The following JMJD1C variants were observed in gnomAD, a reference collection of about 807,000 sequenced individuals.
JMJD1C encodes jumonji domain-containing protein 1C.
In JMJD1C, 31 loss-of-function variants were observed where a neutral mutation model predicts 245.3. The ratio of observed to expected loss-of-function variants is 0.13; its 90% CI spans 0.09 to 0.17. The LOEUF is 0.17. Among genes scored for constraint, JMJD1C ranks in the 10% least tolerant of loss-of-function variants. The pLI is 1.00. For synonymous variants in JMJD1C, 1,057 were observed against 1,017.4 expected, an observed-to-expected ratio of 1.04 and a Z score of -0.74; for missense variants, 2,691 against 3,000.2, an observed-to-expected ratio of 0.90 and a Z score of 2.41.
rs1366396136 is a variant in JMJD1C at position 63,189,431 on chromosome 10, G to A, written c.6307C>T (p.Arg2103Trp). The change falls in exon 18 of 26, where the codon CGG (arginine) becomes TGG (tryptophan). Residue 2103 changes from arginine (R) to tryptophan (W), a missense_variant. Physicochemically the swap from Arg to Trp is moderately radical, Grantham distance 101. Around this residue, in one of 9 missense-constraint regions of JMJD1C, gnomAD observed 275 missense variants for 285.5 expected, o/e 0.96. Coordinates refer to ENST00000399262, the MANE Select transcript of JMJD1C (RefSeq NM_032776.3). ...TCATCAAGAATGTTAGGCATAGTCC[G>A]TCCACTTTTGCTACTCTATTAAGGA... Reference protein sequence around the residue: ...SMGAPSSKSGRTMPNILDDII... With the variant: ...SMGAPSSKSGWTMPNILDDII... The A allele has an allele frequency of 1.9e-6, 3 of 1,610,874 alleles. No individual in the cohort carries two copies. Among genetic ancestry groups the A allele is most frequent in the Non-Finnish European group, 1.7e-6 (2 of 1,178,864 alleles).
intron 20 of JMJD1C, 31 bp from the exon 21 acceptor site, chr10:63,184,769 A>G: frequency 1.3e-6 from 2 of 1,582,528 alleles, no homozygotes; most frequent in Non-Finnish European, 8.6e-7. Flanking sequence ...CTTCTTATAA[A>G]TAAAGATTTG....
At chr10:63,310,745 T>C (rs1467176218) in intron 2 of JMJD1C, among the ~76,000 whole-genome samples, 1 of 151,848 alleles carries the variant, frequency 6.6e-6, no homozygotes, top group South Asian at 2.1e-4. Flanking sequence ...TAAAAACAAA[T>C]CCTACAAATC....
chr10:63,243,664 A>T (rs1450056626), intron 3 of JMJD1C, among the ~76,000 whole-genome samples: 1 of 152,138 alleles, frequency 6.6e-6, no homozygotes, highest in African/African-American at 2.4e-5. Flanking sequence ...TTGATAAAAA[A>T]TACAAGTACA....
At chr10:63,482,492 T>C (rs897790455) in intron 1 of JMJD1C, among the ~76,000 whole-genome samples, 1 of 151,984 alleles carries the variant, frequency 6.6e-6, no homozygotes, top group Non-Finnish European at 1.5e-5. Context: ...AAAACTTAGC[T>C]GGACACAGTG....
intron 1 of JMJD1C, among the ~76,000 whole-genome samples, chr10:63,444,000 T>A (rs1425653495): frequency 6.6e-6 from 1 of 152,222 alleles, no homozygotes; most frequent in African/African-American, 2.4e-5. Flanking sequence ...CCACTAGAAG[T>A]AGAAATTTCT....
intron 22 of JMJD1C, 62 bp downstream of exon 22, chr10:63,183,385 A>G (rs1050840752): frequency 7.7e-6 from 11 of 1,424,080 alleles, no homozygotes; most frequent in Non-Finnish European, 1.1e-5. Context: ...TATTCTGGAC[A>G]ATACTAGTGA....
chr10:63,472,345 A>AT (rs1344370760), intron 1 of JMJD1C, among the ~76,000 whole-genome samples: 2 of 151,782 alleles, frequency 1.3e-5, no homozygotes, highest in East Asian at 1.9e-4. Flanking sequence ...TTAATTATTT[A>AT]TTTTTTTGAG....
chr10:63,230,044 A>T (rs1849773563), intron 3 of JMJD1C, among the ~76,000 whole-genome samples: 1 of 152,218 alleles, frequency 6.6e-6, no homozygotes, highest in East Asian at 1.9e-4. Flanking sequence ...TCCACGGGCA[A>T]ATCATTAAAT....
rs375384703 is a variant in JMJD1C, at chr10:63,286,193, C to G, written c.334-21429G>C. ...GACCCTTTTAAGAATCTGACGAAAGCTGTAGCTCCAAAAGAAACATGAGAC... is the reference window on the plus strand; with the variant it reads ...GACCCTTTTAAGAATCTGACGAAAGGTGTAGCTCCAAAAGAAACATGAGAC... On this transcript the variant is annotated intron_variant, in intron 2 of 25. Transcript: ENST00000399262. Among the ~76,000 whole-genome samples, 8 of 152,308 alleles carry G rather than the reference C, an allele frequency of 5.3e-5. No individual in the cohort carries two copies. The South Asian group carries it at 1.7e-3, about 32-fold the overall frequency.
At chr10:63,173,006 G>C (rs542608033) in intron 24 of JMJD1C, among the ~76,000 whole-genome samples, 1 of 151,278 alleles carries the variant, frequency 6.6e-6, no homozygotes, top group South Asian at 2.1e-4. Flanking sequence ...TCCCAAAAAA[G>C]TAGCAGCAGG....
intron 2 of JMJD1C, chr10:63,268,611 C>T (rs561757047): frequency 6.2e-4 from 461 of 746,520 alleles, no homozygotes; most frequent in Middle Eastern, 7.0e-4. Context: ...GAAGAAAAAC[C>T]AAATGTAAAT....
intron 2 of JMJD1C, among the ~76,000 whole-genome samples, chr10:63,329,566 A>C (rs1234964959): frequency 6.6e-6 from 1 of 151,982 alleles, no homozygotes; most frequent in Non-Finnish European, 1.5e-5. Context: ...AAATCTTGTC[A>C]GCAACAATAC....
At chr10:63,325,268 T>A in intron 2 of JMJD1C, among the ~76,000 whole-genome samples, 1 of 152,198 alleles carries the variant, frequency 6.6e-6, no homozygotes, top group Non-Finnish European at 1.5e-5. Context: ...TAAACACAAA[T>A]GACGTAAAAC....
chr10:63,243,102 A>ATTATATATATATATATATAT (rs1564668656), intron 3 of JMJD1C, among the ~76,000 whole-genome samples: 1 of 64,624 alleles, frequency 1.5e-5, no homozygotes, highest in Non-Finnish European at 3.0e-5. Context: ...ACTAACATAA[A>ATTATATATATATATATATAT]TTATATATAT....
chr10:63,286,434 G>C (rs1194111626), intron 2 of JMJD1C, among the ~76,000 whole-genome samples: 1 of 152,182 alleles, frequency 6.6e-6, no homozygotes, highest in Non-Finnish European at 1.5e-5. Context: ...AAGAACACCT[G>C]GCCTAGAGTG....
chr10:63,411,401 C>A (rs529409402), intron 1 of JMJD1C, among the ~76,000 whole-genome samples: 2 of 149,986 alleles, frequency 1.3e-5, no homozygotes, highest in African/African-American at 4.9e-5. Flanking sequence ...CGGGGTCAAG[C>A]GATTCTCCTG....
At chr10:63,329,539 TAA>T (rs1009715906) in intron 2 of JMJD1C, among the ~76,000 whole-genome samples, 1 of 114,724 alleles carries the variant, frequency 8.7e-6, no homozygotes. Context: ...ACAAAAACAC[TAA>T]AAAAAAAAAA....
At chr10:63,201,606 T>C (rs960996324) in intron 10 of JMJD1C, among the ~76,000 whole-genome samples, 1 of 152,160 alleles carries the variant, frequency 6.6e-6, no homozygotes, top group Non-Finnish European at 1.5e-5. Context: ...TTAAATGTTG[T>C]CTATTAAAAT....
intron 3 of JMJD1C, chr10:63,222,555 AAC>A (rs1848726021): frequency 1.3e-6 from 2 of 1,571,306 alleles, no homozygotes; most frequent in East Asian, 2.2e-5. Context: ...TACTGTGAAA[AAC>A]AGTTTGAACT....
Sources: gnomAD v4.1 joint callset for allele counts (sites outside exome capture counted in the v4.1 genomes callset) on GRCh38, gnomAD v4.1.1 for gene constraint, gnomAD v4.1.1 regional missense constraint, MANE v1.5 for transcripts, NCBI Gene and HGNC (gene_info 2026-07-23, HGNC 2026-07-21) for gene names.